The following AK8 variants were observed in gnomAD, a reference collection of about 807,000 sequenced individuals.
AK8 encodes adenylate kinase 8, also known as ATP-AMP transphosphorylase 8.
In AK8, 44 loss-of-function variants were observed where a neutral mutation model predicts 54.6. The ratio of observed to expected loss-of-function variants is 0.81; its 90% CI spans 0.63 to 1.04. AK8 has a LOEUF of 1.04. AK8 is among the 50% of genes least tolerant of loss of function. AK8 has a pLI of 0.00. For missense variants in AK8, 555 were observed against 613.6 expected (o/e 0.90, Z 1.01); for synonymous variants, 239 against 245.6 (o/e 0.97, Z 0.25).
chr9:132,862,493 A>G (rs1487661590), intron 4 of AK8, among the ~76,000 whole-genome samples: 2 of 151,842 alleles, frequency 1.3e-5, no homozygotes, highest in African/African-American at 4.8e-5. Flanking sequence ...ATGCGCACCT[A>G]ATTTTTTTGT....
intron 11 of AK8, among the ~76,000 whole-genome samples, chr9:132,740,460 CG>C (rs1195160180): frequency 2.6e-5 from 4 of 152,194 alleles, no homozygotes; most frequent in African/African-American, 9.7e-5. Flanking sequence ...CTCTCCATCA[CG>C]GAGCTCATCT....
intron 4 of AK8, among the ~76,000 whole-genome samples, chr9:132,859,000 A>T (rs1843282433): frequency 6.6e-6 from 1 of 152,130 alleles, no homozygotes; most frequent in Non-Finnish European, 1.5e-5. Flanking sequence ...CCTTCCAAAA[A>T]GGCCTGCTCG....
rs368825899 is a variant in AK8 at position 132,750,187 on chromosome 9, C to T, written c.1122-22653G>A. On this transcript the variant is annotated intron_variant, in intron 11 of 12. Transcript: ENST00000298545. ...AGGCTGGAGTGCAATGGTGCGATCTCGGCTCACTGCAACCTCCGCCTCCTG... is the reference window on the plus strand; with the variant it reads ...AGGCTGGAGTGCAATGGTGCGATCTTGGCTCACTGCAACCTCCGCCTCCTG... Among the ~76,000 whole-genome samples, 29 of 151,980 alleles carry T rather than the reference C, an allele frequency of 1.9e-4. No individual in the cohort carries two copies. In the Middle Eastern group the frequency reaches 0.01, roughly 53 times the overall value.
At chr9:132,859,382 GC>G (rs1843296073) in intron 4 of AK8, among the ~76,000 whole-genome samples, 1 of 151,890 alleles carries the variant, frequency 6.6e-6, no homozygotes, top group Non-Finnish European at 1.5e-5. Flanking sequence ...GACTACAGGC[GC>G]CCCCCACCAT....
chr9:132,760,785 G>T (rs560833595), intron 11 of AK8, among the ~76,000 whole-genome samples: 1 of 152,122 alleles, frequency 6.6e-6, no homozygotes, highest in Non-Finnish European at 1.5e-5. Flanking sequence ...ATCATGAATA[G>T]ATATTTAATT....
chr9:132,849,843 T>C (rs536708492), intron 5 of AK8, among the ~76,000 whole-genome samples: 17 of 151,506 alleles, frequency 1.1e-4, no homozygotes, highest in African/African-American at 3.6e-4. Flanking sequence ...TCCTCCAGGT[T>C]CAAGCGATTC....
chr9:132,761,356 G>A (rs750709094), intron 11 of AK8, among the ~76,000 whole-genome samples: 5 of 150,036 alleles, frequency 3.3e-5, no homozygotes, highest in East Asian at 1.9e-4. Flanking sequence ...TCTGCCTCCC[G>A]GGTTCAAGCA....
chr9:132,786,023 A>G (rs1053008888), intron 11 of AK8, among the ~76,000 whole-genome samples: 3 of 152,246 alleles, frequency 2.0e-5, no homozygotes, highest in Non-Finnish European at 2.9e-5. Context: ...AGGCAATCAG[A>G]CAAAGGTTTC....
At chr9:132,833,799 G>A (rs151327895) in intron 5 of AK8, among the ~76,000 whole-genome samples, 68 of 152,400 alleles carry the variant, frequency 4.5e-4, no homozygotes, top group African/African-American at 1.5e-3. Flanking sequence ...GATGCGGCAC[G>A]AGCCGTCCGG....
rs926983487 is a variant in AK8 at position 132,781,413 on chromosome 9, A to T, written c.1121+11221T>A. On this transcript the variant is annotated intron_variant, in intron 11 of 12. Coordinates refer to ENST00000298545, the MANE Select transcript of AK8 (RefSeq NM_152572.3). This position sits in a 1 kb window ranked among gnomAD's most constrained non-coding sequence, Gnocchi z 4.6. ...TGCATTTGAACACTACCCATTTATT[A>T]GCTCTAAGAAGAGATTTATATTTGA... is the stretch of plus-strand genomic sequence containing the variant. 3.9e-5 allele frequency among the ~76,000 whole-genome samples: 6 copies of T among 152,176 alleles called. No individual in the cohort carries two copies. The highest frequency in any genetic ancestry group is 1.4e-4 in the African/African-American group (6 of 41,436).
chr9:132,874,947 GAC>G (rs1844022931), intron 2 of AK8, among the ~76,000 whole-genome samples, 166 bp downstream of exon 2: 1 of 152,120 alleles, frequency 6.6e-6, no homozygotes, highest in Non-Finnish European at 1.5e-5. Context: ...CCTCCCTTCT[GAC>G]CTCCCTTCAG....
intron 11 of AK8, among the ~76,000 whole-genome samples, chr9:132,771,458 C>T (rs1838976083): frequency 6.6e-6 from 1 of 152,202 alleles, no homozygotes; most frequent in Non-Finnish European, 1.5e-5. Context: ...ATCGTACAAT[C>T]CTCCATCTTT....
At chr9:132,864,576 T>C (rs889774076) in intron 3 of AK8, among the ~76,000 whole-genome samples, 10 of 152,208 alleles carry the variant, frequency 6.6e-5, no homozygotes, top group Admixed American at 1.3e-4. Flanking sequence ...GAAACCTCAA[T>C]GACAGCATTG....
chr9:132,780,120 T>A (rs578239252), intron 11 of AK8, among the ~76,000 whole-genome samples: 14 of 152,156 alleles, frequency 9.2e-5, no homozygotes, highest in African/African-American at 3.4e-4. Context: ...ATGGACGTGA[T>A]CTGGGAACAA....
At chr9:132,861,497 G>T (rs779851984) in intron 4 of AK8, 12 of 152,160 alleles carry the variant, frequency 7.9e-5, no homozygotes, top group Non-Finnish European at 1.2e-4. Flanking sequence ...AAGCTTCTGG[G>T]GTAAGGAGAA....
chr9:132,869,537 CCTGA>C (rs1843726352), intron 2 of AK8, among the ~76,000 whole-genome samples: 1 of 152,176 alleles, frequency 6.6e-6, no homozygotes, highest in Admixed American at 6.5e-5. Context: ...TGGGCCCAGC[CCTGA>C]CTGTCATGGA....
intron 11 of AK8, among the ~76,000 whole-genome samples, chr9:132,753,969 T>C (rs1277591041): frequency 2.6e-5 from 4 of 152,164 alleles, no homozygotes; most frequent in Non-Finnish European, 5.9e-5. Flanking sequence ...ACAGCGCAAC[T>C]CACAGAGGGC....
chr9:132,725,844 C>T lies in AK8; in HGVS notation c.1284G>A (p.Gln428=), dbSNP rs1364279734. ...LLQNPKDAEE[Q]VKLKMDLFYR... ...AGAACAGGTCCATTTTCAGCTTGAC[C>T]TGCTCTTCAGCATCCTTTGGGTTCT... Residue 428 remains glutamine, a synonymous_variant, in exon 13 of 13, where the codon CAG becomes CAA. Coordinates refer to ENST00000298545, the MANE Select transcript of AK8 (RefSeq NM_152572.3). 1.2e-6 allele frequency: 2 copies of T among 1,609,312 alleles called. No individual in the cohort carries two copies. Among genetic ancestry groups the T allele is most frequent in the South Asian group, 2.2e-5 (2 of 89,550 alleles).
At chr9:132,865,389 A>G (rs903476260) in intron 3 of AK8, among the ~76,000 whole-genome samples, 1 of 152,210 alleles carries the variant, frequency 6.6e-6, no homozygotes, top group Admixed American at 6.5e-5. Context: ...AGCCTGCCCC[A>G]TCCCGTCCAT....
Sources: allele counts gnomAD v4.1 joint callset (sites outside exome capture counted in the v4.1 genomes callset), GRCh38; gene constraint gnomAD v4.1.1; non-coding constraint Gnocchi (gnomAD v3.1); transcripts MANE v1.5; gene names NCBI Gene and HGNC (gene_info 2026-07-23, HGNC 2026-07-21).